The following BRAF variants were observed in gnomAD, a reference collection of about 807,000 sequenced individuals.
The protein encoded by BRAF is B-Raf proto-oncogene, serine/threonine kinase.
In BRAF, 16 loss-of-function variants were observed where a neutral mutation model predicts 104.6. The observed-to-expected ratio is 0.15, with a 90% confidence interval of 0.10 to 0.23. The LOEUF is 0.23. Among genes scored for constraint, BRAF ranks in the 10% least tolerant of loss-of-function variants. BRAF has a pLI of 1.00. For missense variants in BRAF, 541 were observed against 937.3 expected (o/e 0.58, Z 5.52); for synonymous variants, 310 against 341.6 (o/e 0.91, Z 1.02).
chr7:140,845,841 C>T (rs1808485761), intron 2 of BRAF, among the ~76,000 whole-genome samples: 1 of 152,026 alleles, frequency 6.6e-6, no homozygotes, highest in Non-Finnish European at 1.5e-5. Flanking sequence ...CTACACACAC[C>T]TGAAATTTTT....
Position 140,726,055 on chromosome 7 carries a change from G to A in BRAF, c.*439C>T. The A allele has an allele frequency of 9.3e-7, 1 of 1,074,644 alleles. No homozygotes were observed. Among genetic ancestry groups the A allele is most frequent in the Non-Finnish European group, 1.1e-6 (1 of 885,762 alleles). The allele number at this position is 1,074,644 out of a possible 1,614,324, so 66.6% of individuals were successfully genotyped here. On this transcript the variant is annotated 3_prime_UTR_variant, in exon 20 of 20. Transcript: ENST00000644969. ...GCTCCAAAACAAAATTCCAGAACAG[G>A]AAAGAGAACGATGCTTGGTGATTGA...
intron 3 of BRAF, among the ~76,000 whole-genome samples, chr7:140,817,684 A>C (rs1805019347): frequency 1.3e-5 from 2 of 152,240 alleles, no homozygotes; most frequent in Non-Finnish European, 2.9e-5. Context: ...CCAAGAACAT[A>C]CACTGGGGAA....
At chr7:140,922,569 T>C (rs1156845756) in intron 1 of BRAF, among the ~76,000 whole-genome samples, 1 of 152,224 alleles carries the variant, frequency 6.6e-6, no homozygotes, top group Non-Finnish European at 1.5e-5. Flanking sequence ...ACTTCACTCA[T>C]TGTTCCACTC....
intron 17 of BRAF, chr7:140,747,386 C>A (rs1043029368): frequency 2.3e-6 from 3 of 1,280,398 alleles, no homozygotes; most frequent in Non-Finnish European, 3.0e-6. Flanking sequence ...GTCACACATT[C>A]CTCTCATGGA....
intron 1 of BRAF, among the ~76,000 whole-genome samples, chr7:140,857,304 A>G (rs1186378399): frequency 6.6e-6 from 1 of 152,202 alleles, no homozygotes; most frequent in Non-Finnish European, 1.5e-5. Flanking sequence ...CAGCTCTAGG[A>G]GCTGGAAAAG....
chr7:140,811,407 C>T (rs567306796), intron 3 of BRAF, among the ~76,000 whole-genome samples: 2 of 152,220 alleles, frequency 1.3e-5, no homozygotes, highest in African/African-American at 4.8e-5. Flanking sequence ...GAGTGGCTAT[C>T]ACCCAGAAGA....
chr7:140,757,890 C>T (rs1178590387), intron 14 of BRAF, among the ~76,000 whole-genome samples: 1 of 152,048 alleles, frequency 6.6e-6, no homozygotes, highest in Non-Finnish European at 1.5e-5. Flanking sequence ...CAGTATGAAC[C>T]CAGTTAAATC....
intron 3 of BRAF, among the ~76,000 whole-genome samples, chr7:140,820,629 A>AT (rs1332056189): frequency 5.3e-5 from 8 of 152,140 alleles, no homozygotes; most frequent in Non-Finnish European, 1.2e-4. Context: ...CAATTAACAG[A>AT]TTTTTACAAT....
At position 140,797,839 on chromosome 7, in the gene BRAF, A is replaced by T. The variant is rs143854070; in HGVS notation, c.980+2523T>A. On this transcript the variant is annotated intron_variant, in intron 7 of 19. Coordinates refer to ENST00000644969, the MANE Select transcript of BRAF (RefSeq NM_001374258.1). ...AAATATTATAACCAAAAGATTAATT[A>T]AAAACCAACCAAATAATAACATTTT... 5.4e-4 allele frequency among the ~76,000 whole-genome samples: 82 copies of T among 152,324 alleles called. 1 individual carries two copies. The highest frequency in any genetic ancestry group is 1.5e-3 in the African/African-American group (62 of 41,572).
At position 140,720,321 on chromosome 7, in the gene BRAF, G is replaced by A. The variant is rs1031052017; in HGVS notation, c.*6173C>T. ...TATGTGGCATGGCCAAAGGAAACACGGAGGACCCATGGATGCATTTTAAAA... is the reference window on the plus strand; with the variant it reads ...TATGTGGCATGGCCAAAGGAAACACAGAGGACCCATGGATGCATTTTAAAA... On this transcript the variant is annotated 3_prime_UTR_variant, in exon 20 of 20. Transcript: ENST00000644969. The A allele has an allele frequency of 9.4e-6, 10 of 1,062,266 alleles. No individual in the cohort carries two copies. The highest frequency in any genetic ancestry group is 4.9e-5 in the African/African-American group (3 of 60,918). The allele number at this position is 1,062,266 out of a possible 1,614,324, so 65.8% of individuals were successfully genotyped here.
At chr7:140,770,702 G>A (rs759530745) in intron 14 of BRAF, among the ~76,000 whole-genome samples, 65 of 151,952 alleles carry the variant, frequency 4.3e-4, no homozygotes, top group Non-Finnish European at 8.1e-4. Flanking sequence ...TTGGGAGGCC[G>A]AGGCGGGCAG....
At chr7:140,838,915 G>A (rs1320899484) in intron 2 of BRAF, among the ~76,000 whole-genome samples, 1 of 152,128 alleles carries the variant, frequency 6.6e-6, no homozygotes, top group African/African-American at 2.4e-5. Context: ...TCAGATAGTG[G>A]TGACAGTTGT....
chr7:140,767,816 G>A (rs1799472689), intron 14 of BRAF, among the ~76,000 whole-genome samples: 1 of 152,162 alleles, frequency 6.6e-6, no homozygotes, highest in South Asian at 2.1e-4. Context: ...CATAAAACAA[G>A]GATATAATAA....
intron 17 of BRAF, among the ~76,000 whole-genome samples, chr7:140,742,170 T>A (rs1419786176): frequency 1.3e-5 from 2 of 151,928 alleles, no homozygotes; most frequent in South Asian, 2.1e-4. Context: ...GCCAGAGGTG[T>A]ATAGACATGG....
At chr7:140,903,764 C>T (rs1434187623) in intron 1 of BRAF, among the ~76,000 whole-genome samples, 1 of 152,168 alleles carries the variant, frequency 6.6e-6, no homozygotes, top group Non-Finnish European at 1.5e-5. Context: ...AAACTGGCAA[C>T]ATTAACAGGA....
chr7:140,881,966 T>G (rs1812969958), intron 1 of BRAF, among the ~76,000 whole-genome samples: 1 of 152,156 alleles, frequency 6.6e-6, no homozygotes, highest in African/African-American at 2.4e-5. Context: ...AGACAAAGTT[T>G]GAAATATTGC....
At position 140,720,833 on chromosome 7, in the gene BRAF, A is replaced by G; in HGVS notation, c.*5661T>C. ...TAATTTTCAAAACAAAACCAGGACTAAGCAACTTCATCAAAACCCCCAATC... is the reference window on the plus strand; with the variant it reads ...TAATTTTCAAAACAAAACCAGGACTGAGCAACTTCATCAAAACCCCCAATC... On this transcript the variant is annotated 3_prime_UTR_variant, in exon 20 of 20. Coordinates refer to ENST00000644969, the MANE Select transcript of BRAF (RefSeq NM_001374258.1). 1 of 1,066,144 alleles carries G rather than the reference A, an allele frequency of 9.4e-7. No individual in the cohort carries two copies. The highest frequency in any genetic ancestry group is 1.1e-6 in the Non-Finnish European group (1 of 879,818). The allele number at this position is 1,066,144 out of a possible 1,614,324, so 66.0% of individuals were successfully genotyped here.
In BRAF at chr7:140,721,606, C is replaced by G. The variant is rs1470673381; in HGVS notation, c.*4888G>C. On this transcript the variant is annotated 3_prime_UTR_variant, in exon 20 of 20. Coordinates refer to ENST00000644969, the MANE Select transcript of BRAF (RefSeq NM_001374258.1). ...GTGACTCCGCTCTCCTCTGGCCAAG[C>G]TACAAATCATCACCTGAGGCAGAGA... 6.5e-7 allele frequency: 1 copy of G among 1,535,084 alleles called. No individual in the cohort carries two copies. Among genetic ancestry groups the G allele is most frequent in the Non-Finnish European group, 8.7e-7 (1 of 1,146,402 alleles).
intron 14 of BRAF, among the ~76,000 whole-genome samples, chr7:140,762,291 T>C (rs547887538): frequency 7.9e-5 from 12 of 152,262 alleles, no homozygotes; most frequent in South Asian, 6.2e-4. Flanking sequence ...GAATGACTAC[T>C]GGGTACATAA....
Sources: allele counts gnomAD v4.1 joint callset (sites outside exome capture counted in the v4.1 genomes callset), GRCh38; gene constraint gnomAD v4.1.1; transcripts MANE v1.5; gene names NCBI Gene and HGNC (gene_info 2026-07-23, HGNC 2026-07-21).